The following ROBO2 variants were observed in gnomAD, a reference collection of about 807,000 sequenced individuals.
ROBO2 encodes roundabout homolog 2.
In ROBO2, 53 loss-of-function variants were observed where a neutral mutation model predicts 160.8. The ratio of observed to expected loss-of-function variants is 0.33; its 90% CI spans 0.26 to 0.41. The LOEUF (loss-of-function observed/expected upper bound fraction) is 0.41. ROBO2 is among the 10% of genes least tolerant of loss of function. The pLI is 1.00. For missense variants in ROBO2, 1,577 were observed against 1,722.4 expected, an observed-to-expected ratio of 0.92 and a Z score of 1.49; for synonymous variants, 664 against 611.7, an observed-to-expected ratio of 1.09 and a Z score of -1.26.
chr3:77,304,092 A>G (rs2153415507), intron 2 of ROBO2, among the ~76,000 whole-genome samples: 1 of 152,298 alleles, frequency 6.6e-6, no homozygotes, highest in African/African-American at 2.4e-5. Flanking sequence ...CATAAGGACC[A>G]GCCATGGACA....
At chr3:76,529,344 T>C (rs1454294508) in intron 2 of ROBO2, among the ~76,000 whole-genome samples, 2 of 152,012 alleles carry the variant, frequency 1.3e-5, no homozygotes, top group African/African-American at 2.4e-5. Context: ...CCAGGCCAGA[T>C]TGGAGTATTT....
In ROBO2 at chr3:77,607,887, C is replaced by G. The variant is rs776356404; in HGVS notation, c.3226C>G (p.Pro1076Ala). ...CACTTGGGCCAATGTCCCTCTACCT[C>G]CCCCCCCAGTCCAGCCCCTTCCTGG... Residue 1076 changes from proline (P) to alanine (A), a missense_variant, in exon 21 of 26, where the codon CCC becomes GCC. Pro to Ala is a conservative substitution (Grantham distance 27). Transcript: ENST00000461745. The G allele has an allele frequency of 1.6e-5, 26 of 1,605,106 alleles. No homozygotes were observed. In the East Asian group the frequency reaches 3.6e-4, roughly 22 times the overall value.
chr3:75,978,237 G>GT (rs1297340666), intron 2 of ROBO2, among the ~76,000 whole-genome samples: 1 of 151,458 alleles, frequency 6.6e-6, no homozygotes. Flanking sequence ...TTGTTTTTCT[G>GT]TTTTTTCATA....
chr3:77,391,005 A>G (rs1027868206), intron 2 of ROBO2, among the ~76,000 whole-genome samples: 1 of 151,492 alleles, frequency 6.6e-6, no homozygotes, highest in African/African-American at 2.4e-5. Context: ...CATTTTAGAC[A>G]CTCTTCTGAG....
chr3:76,467,056 T>A (rs928606613), intron 2 of ROBO2, among the ~76,000 whole-genome samples: 4 of 151,998 alleles, frequency 2.6e-5, no homozygotes, highest in Non-Finnish European at 5.9e-5. Flanking sequence ...GTAATTGTGT[T>A]CAATAAAAAG....
intron 2 of ROBO2, among the ~76,000 whole-genome samples, chr3:76,465,767 A>G (rs1482881012): frequency 6.6e-6 from 1 of 151,970 alleles, no homozygotes; most frequent in Non-Finnish European, 1.5e-5. Flanking sequence ...TTCTAAAGAT[A>G]TATTGTTTGA....
intron 2 of ROBO2, among the ~76,000 whole-genome samples, chr3:77,201,125 G>C (rs2151018593): frequency 6.6e-6 from 1 of 152,278 alleles, no homozygotes; most frequent in South Asian, 2.1e-4. Context: ...GGGTAAGATA[G>C]TATTAACCTC....
intron 2 of ROBO2, among the ~76,000 whole-genome samples, chr3:76,336,518 G>A (rs2073900240): frequency 1.3e-5 from 2 of 152,244 alleles, no homozygotes; most frequent in South Asian, 4.1e-4. Flanking sequence ...TAAATTTGAG[G>A]CATGATTAAA....
chr3:76,259,631 A>G (rs985745603), intron 2 of ROBO2, among the ~76,000 whole-genome samples: 7 of 152,154 alleles, frequency 4.6e-5, no homozygotes, highest in Admixed American at 2.6e-4. Flanking sequence ...ACTGTTCAGT[A>G]TAGTAAAGAT....
At chr3:77,295,658 C>T (rs190860681) in intron 2 of ROBO2, among the ~76,000 whole-genome samples, 1 of 63,382 alleles carries the variant, frequency 1.6e-5, no homozygotes, top group African/African-American at 5.1e-5. Flanking sequence ...TAGATCACCC[C>T]AGACATAAAG....
chr3:76,998,803 C>G (rs1318011702), intron 2 of ROBO2, among the ~76,000 whole-genome samples: 2 of 152,088 alleles, frequency 1.3e-5, no homozygotes, highest in African/African-American at 2.4e-5. Flanking sequence ...TTAAGTCCAC[C>G]TTCTCACACA....
intron 15 of ROBO2, among the ~76,000 whole-genome samples, chr3:77,578,207 A>T (rs1391584454): frequency 1.3e-5 from 2 of 152,144 alleles, no homozygotes; most frequent in African/African-American, 4.8e-5. Flanking sequence ...GTTTAGAAAC[A>T]TATGTATCTA....
chr3:77,159,399 C>G (rs1393884425), intron 2 of ROBO2, among the ~76,000 whole-genome samples: 1 of 152,100 alleles, frequency 6.6e-6, no homozygotes, highest in East Asian at 1.9e-4. Context: ...AGCTATTGCA[C>G]TAGGGGGTGT....
intron 2 of ROBO2, among the ~76,000 whole-genome samples, chr3:76,165,975 C>T (rs1006630464): frequency 7.9e-5 from 12 of 152,088 alleles, no homozygotes; most frequent in African/African-American, 2.9e-4. Flanking sequence ...CATTCCCAAA[C>T]CATTACAATA....
chr3:77,400,634 ACTT>A (rs1487806346), intron 2 of ROBO2, among the ~76,000 whole-genome samples: 7 of 152,210 alleles, frequency 4.6e-5, no homozygotes, highest in African/African-American at 1.4e-4. Flanking sequence ...TCTGAGTCAC[ACTT>A]CTTTGATTGT....
At chr3:77,579,108 T>C (rs1269417656) in intron 15 of ROBO2, among the ~76,000 whole-genome samples, 1 of 152,086 alleles carries the variant, frequency 6.6e-6, no homozygotes, top group Non-Finnish European at 1.5e-5. Flanking sequence ...TTTTCCTACA[T>C]ATGTGTCTAC....
At chr3:76,642,588 G>A (rs1483398405) in intron 2 of ROBO2, among the ~76,000 whole-genome samples, 3 of 151,880 alleles carry the variant, frequency 2.0e-5, no homozygotes, top group African/African-American at 7.3e-5. Context: ...CTGACCTCAG[G>A]TGATCTGCCC....
At chr3:77,574,444 G>T in intron 13 of ROBO2, 55 bp from the exon 15 acceptor site, 1 of 1,417,150 alleles carries the variant, frequency 7.1e-7, no homozygotes, top group Non-Finnish European at 1.0e-6. Flanking sequence ...CAAATTCATT[G>T]TGTTGTCTAA....
intron 2 of ROBO2, among the ~76,000 whole-genome samples, chr3:77,379,200 C>T (rs1031250765): frequency 6.6e-6 from 1 of 152,178 alleles, no homozygotes; most frequent in Non-Finnish European, 1.5e-5. Flanking sequence ...CCTGCCTCGG[C>T]CTCCCCAAGT....
Sources: allele counts gnomAD v4.1 joint callset (sites outside exome capture counted in the v4.1 genomes callset), GRCh38; gene constraint gnomAD v4.1.1; transcripts MANE v1.5; gene names NCBI Gene and HGNC (gene_info 2026-07-23, HGNC 2026-07-21).